DPY19L1: variants seen among roughly 807,000 people sequenced by gnomAD.
DPY19L1 encodes protein C-mannosyl-transferase DPY19L1.
In DPY19L1, 35 loss-of-function variants were observed where a neutral mutation model predicts 96.9. The ratio of observed to expected loss-of-function variants is 0.36; its 90% CI spans 0.28 to 0.48. DPY19L1 has a LOEUF of 0.48. Among genes scored for constraint, DPY19L1 ranks in the 20% least tolerant of loss-of-function variants. The pLI is 0.99. For synonymous variants in DPY19L1, 205 were observed against 252.6 expected (o/e 0.81, Z 1.79); for missense variants, 521 against 777.9 (o/e 0.67, Z 3.93).
chr7:34,939,501 T>G, intron 19 of DPY19L1, 126 bp from the exon 20 acceptor site: 3 of 668,082 alleles, frequency 4.5e-6, no homozygotes, highest in East Asian at 3.0e-5. Context: ...ACTTCAAGAT[T>G]CAATGGCAGA....
intron 15 of DPY19L1, 45 bp downstream of exon 15, chr7:34,947,585 G>A: frequency 6.5e-7 from 1 of 1,540,574 alleles, no homozygotes. Flanking sequence ...GTAAAAACAA[G>A]AAAATATTCT....
intron 1 of DPY19L1, among the ~76,000 whole-genome samples, chr7:35,026,953 T>C (rs1786133997): frequency 6.6e-6 from 1 of 152,074 alleles, no homozygotes. Flanking sequence ...TCCCAGCACT[T>C]TGGGAGGCCG....
chr7:34,970,829 A>T (rs1465678476), intron 8 of DPY19L1, among the ~76,000 whole-genome samples: 1 of 149,228 alleles, frequency 6.7e-6, no homozygotes, highest in Non-Finnish European at 1.5e-5. Flanking sequence ...ATGGAAACAT[A>T]AATATTGCCA....
chr7:34,961,556 T>G (rs1417399737), intron 10 of DPY19L1, among the ~76,000 whole-genome samples: 1 of 152,092 alleles, frequency 6.6e-6, no homozygotes, highest in Non-Finnish European at 1.5e-5. Context: ...GAAGATAACA[T>G]TGGAGGAAAC....
At chr7:34,977,722 G>A (rs990915957) in intron 7 of DPY19L1, among the ~76,000 whole-genome samples, 4 of 152,022 alleles carry the variant, frequency 2.6e-5, no homozygotes, top group Admixed American at 2.6e-4. Context: ...CATTTTAAAT[G>A]TAAAATAAAA....
At chr7:34,981,246 A>C (rs1472748858) in intron 7 of DPY19L1, among the ~76,000 whole-genome samples, 1 of 152,214 alleles carries the variant, frequency 6.6e-6, no homozygotes, top group Admixed American at 6.5e-5. Flanking sequence ...ATGGATTATA[A>C]AACATTGAAT....
chr7:34,934,059 G>A (rs2128779725), intron 21 of DPY19L1, among the ~76,000 whole-genome samples: 1 of 152,122 alleles, frequency 6.6e-6, no homozygotes, highest in South Asian at 2.1e-4. Context: ...CACCTCCCAG[G>A]TTCACGTCAT....
intron 10 of DPY19L1, among the ~76,000 whole-genome samples, chr7:34,962,062 C>G (rs1784511882): frequency 6.6e-6 from 1 of 152,154 alleles, no homozygotes; most frequent in South Asian, 2.1e-4. Context: ...ACTAAGCATA[C>G]TCTCACCATA....
rs891132514 is a variant in DPY19L1 at position 35,017,888 on chromosome 7, A to G, written c.405T>C (p.Thr135=). 1.9e-6 allele frequency: 3 copies of G among 1,598,186 alleles called. No individual in the cohort carries two copies. Among genetic ancestry groups the G allele is most frequent in the East Asian group, 2.2e-5 (1 of 44,512 alleles). The change falls in exon 3 of 22, where the codon ACT becomes ACC. Residue 135 remains threonine (T), a synonymous_variant. Coordinates refer to ENST00000638088, the MANE Select transcript of DPY19L1 (RefSeq NM_001366673.1). ...STLEREMAFR[T]EMGLYYSYFK... is the part of the protein sequence containing the mutation. ...ATCCCAAATAAAAACTAACCATTTCAGTGCGAAAAGCCATCTCCCTTTCCA... is the reference window on the plus strand; with the variant it reads ...ATCCCAAATAAAAACTAACCATTTCGGTGCGAAAAGCCATCTCCCTTTCCA...
At chr7:35,022,317 G>GAA (rs966829974) in intron 1 of DPY19L1, among the ~76,000 whole-genome samples, 2 of 152,128 alleles carry the variant, frequency 1.3e-5, no homozygotes, top group Non-Finnish European at 2.9e-5. Flanking sequence ...GGTGTTCAAG[G>GAA]AAAGGTTTGC....
intron 6 of DPY19L1, chr7:35,000,298 A>G (rs933719672): frequency 4.6e-5 from 7 of 151,642 alleles, no homozygotes; most frequent in Non-Finnish European, 8.8e-5. Flanking sequence ...ACCATTAAAG[A>G]AAAACCTTCC....
chr7:35,003,528 T>C (rs1428180058), intron 6 of DPY19L1, among the ~76,000 whole-genome samples: 1 of 152,250 alleles, frequency 6.6e-6, no homozygotes, highest in African/African-American at 2.4e-5. Flanking sequence ...TGCTTTGATA[T>C]GCTCCAGAGA....
intron 7 of DPY19L1, among the ~76,000 whole-genome samples, chr7:34,977,237 T>C (rs1220605907): frequency 6.6e-6 from 1 of 152,208 alleles, no homozygotes; most frequent in Non-Finnish European, 1.5e-5. Context: ...GAAGTATGCC[T>C]GTATGATCAA....
chr7:35,029,126 G>C (rs968010753), intron 1 of DPY19L1, among the ~76,000 whole-genome samples: 1 of 152,092 alleles, frequency 6.6e-6, no homozygotes, highest in Admixed American at 6.5e-5. Flanking sequence ...AATGCAGCCT[G>C]GTAGGTCTCA....
chr7:35,031,694 T>A (rs544604834), intron 1 of DPY19L1, among the ~76,000 whole-genome samples: 52 of 152,346 alleles, frequency 3.4e-4, no homozygotes, highest in African/African-American at 1.2e-3. Context: ...ATAGATAACA[T>A]ATGCTTATAT....
rs146552201 is a variant in DPY19L1 at position 34,953,132 on chromosome 7, A to G, written c.1320+1566T>C. Among the ~76,000 whole-genome samples the G allele has an allele frequency of 3.2e-4, 48 of 152,328 alleles. No individual in the cohort carries two copies. The East Asian group carries it at 8.3e-3, about 26-fold the overall frequency. ...GCTCAGAGGCACTATCAGTAAAAGTAGAGAACTCAGTAGGAAATAAAAGGC... is the reference window on the plus strand; with the variant it reads ...GCTCAGAGGCACTATCAGTAAAAGTGGAGAACTCAGTAGGAAATAAAAGGC... On this transcript the variant is annotated intron_variant, in intron 13 of 21. Transcript: ENST00000638088.
chr7:35,025,670 T>A (rs1221757378), intron 1 of DPY19L1, among the ~76,000 whole-genome samples: 2 of 152,146 alleles, frequency 1.3e-5, no homozygotes, highest in Non-Finnish European at 2.9e-5. Context: ...ATGATAATAA[T>A]GTCTAATATT....
chr7:35,005,517 G>C (rs1429595550), intron 6 of DPY19L1, among the ~76,000 whole-genome samples: 1 of 151,226 alleles, frequency 6.6e-6, no homozygotes, highest in Admixed American at 6.6e-5. Flanking sequence ...AAGTTTTATT[G>C]GCCAGGCACA....
intron 1 of DPY19L1, 108 bp downstream of exon 1, chr7:35,036,989 C>T: frequency 7.7e-6 from 1 of 129,634 alleles, no homozygotes; most frequent in Non-Finnish European, 1.6e-5. Flanking sequence ...CGGGGCTCGG[C>T]GCGGCGGAAG....
Sources: gnomAD v4.1 joint callset for allele counts (sites outside exome capture counted in the v4.1 genomes callset) on GRCh38, gnomAD v4.1.1 for gene constraint, MANE v1.5 for transcripts, NCBI Gene and HGNC (gene_info 2026-07-23, HGNC 2026-07-21) for gene names.